The following PDE1C variants were observed in gnomAD, a reference collection of about 807,000 sequenced individuals.
The protein encoded by PDE1C is dual specificity calcium/calmodulin-dependent 3',5'-cyclic nucleotide phosphodiesterase 1C.
In PDE1C, 62 loss-of-function variants were observed where a neutral mutation model predicts 93.1. The observed-to-expected ratio is 0.67, with a 90% CI of 0.54 to 0.82. The LOEUF is 0.82. Among genes scored for constraint, PDE1C ranks in the 40% least tolerant of loss-of-function variants. The pLI is 0.00. For synonymous variants in PDE1C, 325 were observed against 310.1 expected (o/e 1.05, Z -0.50); for missense variants, 742 against 884.6 (o/e 0.84, Z 2.04).
intron 2 of PDE1C, among the ~76,000 whole-genome samples, chr7:31,910,873 GT>G (rs1801150151): frequency 1.3e-5 from 2 of 152,294 alleles, no homozygotes; most frequent in South Asian, 4.1e-4. Flanking sequence ...CCAGAAGAGT[GT>G]TTGCAATTAT....
At chr7:31,993,006 A>G (rs551613118) in intron 2 of PDE1C, among the ~76,000 whole-genome samples, 23 of 152,214 alleles carry the variant, frequency 1.5e-4, no homozygotes, top group Non-Finnish European at 4.4e-5. Flanking sequence ...TGTCTAGAAT[A>G]ATTATATTCT....
intron 3 of PDE1C, among the ~76,000 whole-genome samples, chr7:32,117,941 T>C (rs1315579641): frequency 1.3e-5 from 2 of 152,200 alleles, no homozygotes; most frequent in African/African-American, 4.8e-5. Context: ...ATCTGCATCC[T>C]TGAGGGCTGG....
chr7:32,313,208 C>T (rs1333693055), intron 1 of PDE1C, among the ~76,000 whole-genome samples: 2 of 152,114 alleles, frequency 1.3e-5, no homozygotes, highest in African/African-American at 4.8e-5. Flanking sequence ...AATGAGATAC[C>T]ATCTCACACC....
At chr7:31,895,338 G>C (rs1291524344) in intron 2 of PDE1C, among the ~76,000 whole-genome samples, 2 of 152,110 alleles carry the variant, frequency 1.3e-5, no homozygotes, top group Non-Finnish European at 2.9e-5. Flanking sequence ...GGCAGTCCCA[G>C]ACATTAGCTA....
chr7:32,287,232 C>A (rs887684183), intron 1 of PDE1C, among the ~76,000 whole-genome samples: 37 of 152,300 alleles, frequency 2.4e-4, no homozygotes, highest in African/African-American at 8.9e-4. Flanking sequence ...GAGAAAAAAA[C>A]CAAAATCCTC....
chr7:32,267,727 A>C (rs1331002337), intron 1 of PDE1C, among the ~76,000 whole-genome samples: 1 of 151,976 alleles, frequency 6.6e-6, no homozygotes, highest in Non-Finnish European at 1.5e-5. Context: ...AATGAGATGA[A>C]ACCCCCTCAG....
chr7:32,206,398 C>A (rs114491028), intron 2 of PDE1C, among the ~76,000 whole-genome samples: 3,183 of 152,154 alleles, frequency 0.021, 110 homozygotes, highest in African/African-American at 0.073. Flanking sequence ...TAATAGAGAC[C>A]GACAGTTGCA....
chr7:32,251,416 C>G (rs147263264), intron 1 of PDE1C, among the ~76,000 whole-genome samples: 125 of 152,332 alleles, frequency 8.2e-4, no homozygotes, highest in Non-Finnish European at 1.4e-3. Context: ...CAGGCACCTT[C>G]GTCATCCTTC....
intron 1 of PDE1C, among the ~76,000 whole-genome samples, chr7:32,313,567 G>T (rs1304532038): frequency 1.3e-5 from 2 of 152,004 alleles, no homozygotes; most frequent in Non-Finnish European, 2.9e-5. Flanking sequence ...GGAATACTAT[G>T]CAGCCATAAA....
At chr7:31,650,661 T>G in the PDE1C span, among the ~76,000 whole-genome samples, 1 of 152,170 alleles carries the variant, frequency 6.6e-6, no homozygotes, top group Non-Finnish European at 1.5e-5. Flanking sequence ...TAAGCAGGAC[T>G]AAGACTAATA....
In PDE1C at chr7:31,847,915, A is replaced by G. The variant is rs975917513; in HGVS notation, c.980+53T>C. 1.7e-5 allele frequency: 27 copies of G among 1,598,002 alleles called. No homozygotes were observed. The African/African-American group carries it at 3.5e-4, about 21-fold the overall frequency. On this transcript the variant is annotated intron_variant, in intron 9 of 17. Transcript: ENST00000396191. Reference sequence around the variant, plus strand: ...TTCTCAAAAACAGCATACTTCATCCAACTTCAAAGTTCCTTCCCTGGCCTA... The same window carrying G: ...TTCTCAAAAACAGCATACTTCATCCGACTTCAAAGTTCCTTCCCTGGCCTA...
At chr7:31,749,548 G>A (rs1303530733), downstream of PDE1C, among the ~76,000 whole-genome samples, 2 of 152,138 alleles carry the variant, frequency 1.3e-5, no homozygotes, top group South Asian at 2.1e-4. Context: ...CCTTGAAAAT[G>A]TGTGGTGTAG....
intron 2 of PDE1C, among the ~76,000 whole-genome samples, chr7:31,961,932 T>C (rs1435902769): frequency 2.6e-5 from 4 of 152,226 alleles, no homozygotes; most frequent in African/African-American, 7.2e-5. Context: ...ATTGCTGAGA[T>C]GATCCTTAAG....
intron 17 of PDE1C, among the ~76,000 whole-genome samples, chr7:31,755,694 T>C (rs1360376115): frequency 6.6e-6 from 1 of 152,208 alleles, no homozygotes; most frequent in African/African-American, 2.4e-5. Context: ...AACAAGGCAG[T>C]ATTGCATTTT....
intron 1 of PDE1C, among the ~76,000 whole-genome samples, chr7:32,063,097 A>G (rs1322818897): frequency 2.0e-5 from 3 of 152,220 alleles, no homozygotes; most frequent in African/African-American, 7.2e-5. Context: ...AATTCAGTAT[A>G]CTTCCTCCAG....
intron 1 of PDE1C, among the ~76,000 whole-genome samples, chr7:32,256,466 C>T (rs78626655): frequency 0.022 from 3,326 of 152,248 alleles, 125 homozygotes; most frequent in African/African-American, 0.075. Context: ...TCCCCTTCCT[C>T]CAAAGCATAA....
chr7:31,856,842 A>G (rs1409217053), intron 7 of PDE1C, among the ~76,000 whole-genome samples: 1 of 152,160 alleles, frequency 6.6e-6, no homozygotes, highest in Non-Finnish European at 1.5e-5. Context: ...TGGCTTAAAC[A>G]ACGGAAATTT....
chr7:31,907,790 C>A (rs1459787988), intron 2 of PDE1C, among the ~76,000 whole-genome samples: 1 of 151,922 alleles, frequency 6.6e-6, no homozygotes, highest in Non-Finnish European at 1.5e-5. Flanking sequence ...GTTAACTTCT[C>A]TGTGCAGAAG....
At chr7:32,374,954 G>C (rs774067912) in intron 1 of PDE1C, among the ~76,000 whole-genome samples, 4 of 152,284 alleles carry the variant, frequency 2.6e-5, no homozygotes, top group Admixed American at 6.5e-5. Flanking sequence ...AAGCACCACC[G>C]AGTTCCCAGG....
Sources: gnomAD v4.1 joint callset for allele counts (sites outside exome capture counted in the v4.1 genomes callset) on GRCh38, gnomAD v4.1.1 for gene constraint, MANE v1.5 for transcripts, NCBI Gene and HGNC (gene_info 2026-07-23, HGNC 2026-07-21) for gene names.